DIP2B: variants seen among roughly 807,000 people sequenced by gnomAD.
The protein encoded by DIP2B is disco-interacting protein 2 homolog B.
Under a neutral mutation model 198.0 loss-of-function variants are expected in DIP2B, and 76 were observed. The ratio of observed to expected loss-of-function variants is 0.38; its 90% CI spans 0.32 to 0.46. DIP2B has a LOEUF of 0.46. DIP2B is among the 20% of genes least tolerant of loss of function. DIP2B has a pLI of 0.99. For missense variants in DIP2B, 1,559 were observed against 1,978.4 expected (o/e 0.79, Z 4.02); for synonymous variants, 701 against 739.1 (o/e 0.95, Z 0.84).
intron 1 of DIP2B, among the ~76,000 whole-genome samples, chr12:50,512,762 T>C (rs1313940857): frequency 6.6e-6 from 1 of 152,138 alleles, no homozygotes; most frequent in Non-Finnish European, 1.5e-5. Flanking sequence ...TCCCAGCACT[T>C]TGGGAGGCGG....
chr12:50,680,542 A>G (rs918290158), intron 8 of DIP2B, 130 bp from the exon 9 acceptor site: 1 of 753,632 alleles, frequency 1.3e-6, no homozygotes, highest in Non-Finnish European at 2.2e-6. Flanking sequence ...GGTGAATGAC[A>G]CTCATCTAAC....
intron 12 of DIP2B, among the ~76,000 whole-genome samples, chr12:50,688,917 C>T (rs1185433808): frequency 6.6e-6 from 1 of 152,198 alleles, no homozygotes; most frequent in African/African-American, 2.4e-5. Context: ...TACCCTCTGT[C>T]TTTCTAGGTG....
At chr12:50,568,158 G>T (rs1055842060) in intron 1 of DIP2B, among the ~76,000 whole-genome samples, 1 of 152,152 alleles carries the variant, frequency 6.6e-6, no homozygotes, top group African/African-American at 2.4e-5. Context: ...CACTAATCAG[G>T]TCTGGGACTT....
At chr12:50,537,747 C>T (rs1385339392) in intron 1 of DIP2B, among the ~76,000 whole-genome samples, 2 of 152,256 alleles carry the variant, frequency 1.3e-5, no homozygotes, top group East Asian at 1.9e-4. Flanking sequence ...AAAGAAGAGT[C>T]ATCCAAAATG....
intron 22 of DIP2B, among the ~76,000 whole-genome samples, chr12:50,713,400 T>C (rs1183973678): frequency 1.3e-5 from 2 of 152,270 alleles, no homozygotes. Context: ...CATAACTCCT[T>C]CTGTGTTTTT....
intron 34 of DIP2B, 23 bp from the exon 35 acceptor site, chr12:50,737,013 T>C (rs1370753901): frequency 1.9e-6 from 3 of 1,610,788 alleles, no homozygotes; most frequent in South Asian, 1.1e-5. Context: ...ACTCAATCTT[T>C]GTATTTTCCC....
intron 1 of DIP2B, among the ~76,000 whole-genome samples, chr12:50,557,194 G>T (rs1230706150): frequency 6.6e-6 from 1 of 152,214 alleles, no homozygotes; most frequent in Non-Finnish European, 1.5e-5. Flanking sequence ...TCTATAAAAT[G>T]GAGATAATAA....
At chr12:50,640,323 T>G (rs1938232633) in intron 2 of DIP2B, among the ~76,000 whole-genome samples, 1 of 152,136 alleles carries the variant, frequency 6.6e-6, no homozygotes, top group South Asian at 2.1e-4. Context: ...ATAATCACCC[T>G]GTTTTTGCTT....
chr12:50,724,481 A>G (rs936210907), intron 27 of DIP2B, among the ~76,000 whole-genome samples: 39 of 152,320 alleles, frequency 2.6e-4, no homozygotes, highest in African/African-American at 8.9e-4. Context: ...TCTTCATGAA[A>G]TCTTGGGATT....
At chr12:50,599,243 G>GA (rs1958914888) in intron 1 of DIP2B, among the ~76,000 whole-genome samples, 1 of 148,242 alleles carries the variant, frequency 6.7e-6, no homozygotes, top group African/African-American at 2.5e-5. Context: ...AGTGAACCGA[G>GA]ATGGCACCAC....
At chr12:50,711,877 A>G (rs567019911) in intron 22 of DIP2B, among the ~76,000 whole-genome samples, 2 of 152,306 alleles carry the variant, frequency 1.3e-5, no homozygotes, top group South Asian at 4.1e-4. Context: ...TTGTTTTAAT[A>G]AAAGGCCTTG....
At chr12:50,679,704 A>T (rs1163265710) in intron 8 of DIP2B, 1 of 152,266 alleles carries the variant, frequency 6.6e-6, no homozygotes. Context: ...AGCTGTATAT[A>T]CATTTCATTC....
chr12:50,562,470 C>A (rs1958527594), intron 1 of DIP2B, among the ~76,000 whole-genome samples: 1 of 151,932 alleles, frequency 6.6e-6, no homozygotes, highest in Non-Finnish European at 1.5e-5. Context: ...CACGGTGGCT[C>A]ATGCCTGCAT....
chr12:50,690,697 C>T (rs1190507532), intron 12 of DIP2B, among the ~76,000 whole-genome samples: 1 of 152,214 alleles, frequency 6.6e-6, no homozygotes, highest in East Asian at 1.9e-4. Context: ...GTCTTACATA[C>T]CTTTCACTCT....
intron 1 of DIP2B, among the ~76,000 whole-genome samples, chr12:50,620,012 C>T (rs920802536): frequency 9.2e-5 from 14 of 152,306 alleles, no homozygotes; most frequent in African/African-American, 3.4e-4. Context: ...CATGCCACTG[C>T]ACTCCGGCCT....
chr12:50,657,478 A>G (rs1938574602), intron 3 of DIP2B, among the ~76,000 whole-genome samples: 1 of 152,110 alleles, frequency 6.6e-6, no homozygotes, highest in Non-Finnish European at 1.5e-5. Flanking sequence ...ACCTCCTGAC[A>G]TCATGTTTTG....
At chr12:50,602,206 T>C (rs575619797) in intron 1 of DIP2B, among the ~76,000 whole-genome samples, 88 of 152,344 alleles carry the variant, frequency 5.8e-4, no homozygotes, top group African/African-American at 1.9e-3. Context: ...AATGGTATAG[T>C]TGTACCAAAG....
At chr12:50,654,716 A>G (rs1052626675) in intron 3 of DIP2B, among the ~76,000 whole-genome samples, 2 of 152,218 alleles carry the variant, frequency 1.3e-5, no homozygotes, top group Admixed American at 6.5e-5. Context: ...AGTGACATGA[A>G]CATTCACTTC....
At position 50,683,128 on chromosome 12, in the gene DIP2B, T is replaced by A. The variant is rs776368245; in HGVS notation, c.1207-10T>A. On this transcript the variant is annotated splice_polypyrimidine_tract_variant and intron_variant, in intron 9 of 37. Coordinates refer to ENST00000301180, the MANE Select transcript of DIP2B (RefSeq NM_173602.3). ...TCCTCTGTTAAACTGAATATCATTA[T>A]GAATTTTAGGTAGCCCTGGTTTACC... The A allele has an allele frequency of 6.3e-7, 1 of 1,597,400 alleles. No individual in the cohort carries two copies. Among genetic ancestry groups the A allele is most frequent in the Non-Finnish European group, 8.5e-7 (1 of 1,173,512 alleles).
Sources: gnomAD v4.1 joint callset for allele counts (sites outside exome capture counted in the v4.1 genomes callset) on GRCh38, gnomAD v4.1.1 for gene constraint, MANE v1.5 for transcripts, NCBI Gene and HGNC (gene_info 2026-07-23, HGNC 2026-07-21) for gene names.